The following FOXP1 variants were observed in gnomAD, a reference collection of about 807,000 sequenced individuals.
FOXP1 encodes forkhead box protein P1.
A neutral mutation model predicts 98.2 loss-of-function variants in FOXP1; 15 were observed. That is an observed-to-expected ratio of 0.15 (90% CI 0.10 to 0.24). FOXP1 has a LOEUF of 0.24. FOXP1 is among the 10% of genes least tolerant of loss of function. The pLI is 1.00. For missense variants in FOXP1, 633 were observed against 848.5 expected (o/e 0.75, Z 3.15); for synonymous variants, 371 against 314.5 (o/e 1.18, Z -1.90).
At chr3:71,252,208 T>A (rs1194243374) in intron 5 of FOXP1, among the ~76,000 whole-genome samples, 2 of 152,326 alleles carry the variant, frequency 1.3e-5, no homozygotes, top group African/African-American at 4.8e-5. Context: ...TGCCTGGTGC[T>A]TCAGCAGCCA....
intron 10 of FOXP1, among the ~76,000 whole-genome samples, chr3:71,043,306 A>G (rs2048596260): frequency 6.6e-6 from 1 of 152,228 alleles, no homozygotes; most frequent in African/African-American, 2.4e-5. Context: ...ATGAGCATTT[A>G]GTTATTAGGC....
At chr3:71,315,079 T>TAAA (rs11355298) in intron 4 of FOXP1, among the ~76,000 whole-genome samples, 833 of 70,296 alleles carry the variant, frequency 0.012, 7 homozygotes, top group East Asian at 0.028. Flanking sequence ...CTGGTCCATG[T>TAAA]AAAAAAAAAA....
intron 3 of FOXP1, among the ~76,000 whole-genome samples, chr3:71,446,524 A>G (rs533047693): frequency 1.3e-5 from 2 of 150,188 alleles, no homozygotes; most frequent in Non-Finnish European, 3.0e-5. Flanking sequence ...TGAGGTGCCC[A>G]GGGCACCTGC....
At chr3:71,121,102 T>C (rs2058732823) in intron 6 of FOXP1, among the ~76,000 whole-genome samples, 2 of 151,662 alleles carry the variant, frequency 1.3e-5, no homozygotes, top group South Asian at 4.2e-4. Flanking sequence ...AATGTTTTCC[T>C]GCACCACGTC....
intron 6 of FOXP1, among the ~76,000 whole-genome samples, chr3:71,143,312 A>T (rs2060158167): frequency 6.6e-6 from 1 of 152,192 alleles, no homozygotes; most frequent in African/African-American, 2.4e-5. Context: ...GCTATTGTGG[A>T]TCTTCTTGGC....
At chr3:70,974,254 C>T (rs1015806056) in intron 17 of FOXP1, among the ~76,000 whole-genome samples, 1 of 151,566 alleles carries the variant, frequency 6.6e-6, no homozygotes, top group Non-Finnish European at 1.5e-5. Context: ...CTTGATAGGA[C>T]AATTTTCTAT....
chr3:71,379,504 C>T (rs1244722018), intron 3 of FOXP1, among the ~76,000 whole-genome samples: 1 of 151,972 alleles, frequency 6.6e-6, no homozygotes, highest in Non-Finnish European at 1.5e-5. Flanking sequence ...GAATTTCATA[C>T]CAGGGGTCAG....
At chr3:71,213,753 T>C (rs921926305) in intron 5 of FOXP1, among the ~76,000 whole-genome samples, 5 of 151,842 alleles carry the variant, frequency 3.3e-5, no homozygotes, top group Admixed American at 2.0e-4. Context: ...GAAGTGGAGG[T>C]TGCAGTCAGC....
intron 7 of FOXP1, among the ~76,000 whole-genome samples, chr3:71,079,150 C>T (rs1200461672): frequency 1.3e-5 from 2 of 152,064 alleles, no homozygotes; most frequent in Non-Finnish European, 1.5e-5. Context: ...ATAGAGTGCG[C>T]AGAAATGAGC....
At chr3:71,369,246 T>G (rs2079123248) in intron 3 of FOXP1, among the ~76,000 whole-genome samples, 2 of 151,968 alleles carry the variant, frequency 1.3e-5, no homozygotes, top group Admixed American at 1.3e-4. Flanking sequence ...ACAAATTAGC[T>G]GGGCGTAGTG....
chr3:71,517,115 C>T (rs544975878), intron 2 of FOXP1, among the ~76,000 whole-genome samples: 27 of 151,934 alleles, frequency 1.8e-4, no homozygotes, highest in Admixed American at 2.0e-4. Flanking sequence ...TACAAAGTTT[C>T]AAATAGTCAG....
chr3:71,137,517 G>A (rs2059877055), intron 6 of FOXP1, among the ~76,000 whole-genome samples: 1 of 152,148 alleles, frequency 6.6e-6, no homozygotes, highest in Admixed American at 6.5e-5. Context: ...CTGGAGGCTG[G>A]AGAAATGCCT....
intron 11 of FOXP1, among the ~76,000 whole-genome samples, chr3:71,027,260 C>T (rs145732846): frequency 5.3e-5 from 8 of 152,272 alleles, no homozygotes; most frequent in Non-Finnish European, 7.4e-5. Context: ...AACCAACGAC[C>T]GTAAACAAAG....
At chr3:70,975,110 TTAA>T (rs2037219408) in intron 17 of FOXP1, among the ~76,000 whole-genome samples, 1 of 152,236 alleles carries the variant, frequency 6.6e-6, no homozygotes, top group Non-Finnish European at 1.5e-5. Flanking sequence ...GCTGTTTATA[TTAA>T]TGACACTTTT....
At chr3:71,058,492 C>T (rs1036635386) in intron 7 of FOXP1, among the ~76,000 whole-genome samples, 1 of 151,768 alleles carries the variant, frequency 6.6e-6, no homozygotes, top group African/African-American at 2.4e-5. Flanking sequence ...CCAGGTTTGG[C>T]AGTGTCACCT....
chr3:71,389,449 G>A (rs139189936), intron 3 of FOXP1, among the ~76,000 whole-genome samples: 6 of 151,992 alleles, frequency 3.9e-5, no homozygotes, highest in African/African-American at 1.2e-4. Flanking sequence ...TGCAGTAAGG[G>A]TTACCTGAAG....
rs534295753 is a variant in FOXP1 at position 71,239,094 on chromosome 3, A to G, written c.-11-40702T>C. 3.3e-5 allele frequency among the ~76,000 whole-genome samples: 5 copies of G among 152,298 alleles called. 1 individual carries two copies. In the South Asian group the frequency reaches 1.0e-3, roughly 32 times the overall value. ...ATGCTCTCTGTTTTCCCACCTTCCT[A>G]AAAGTAGGAAATTTCACAGTGGGAA... On this transcript the variant is annotated intron_variant, in intron 5 of 20. Coordinates refer to ENST00000649528, the MANE Select transcript of FOXP1 (RefSeq NM_001349338.3).
chr3:71,343,882 C>CT (rs2077162872), intron 4 of FOXP1, among the ~76,000 whole-genome samples: 1 of 152,208 alleles, frequency 6.6e-6, no homozygotes, highest in Non-Finnish European at 1.5e-5. Context: ...TGGATCTACC[C>CT]TGTCACAGTT....
At chr3:71,138,029 G>A (rs2059904628) in intron 6 of FOXP1, among the ~76,000 whole-genome samples, 1 of 152,104 alleles carries the variant, frequency 6.6e-6, no homozygotes, top group South Asian at 2.1e-4. Context: ...TGGAACTGTG[G>A]AGAGCCTCTC....
Sources: gnomAD v4.1 joint callset for allele counts (sites outside exome capture counted in the v4.1 genomes callset) on GRCh38, gnomAD v4.1.1 for gene constraint, MANE v1.5 for transcripts, NCBI Gene and HGNC (gene_info 2026-07-23, HGNC 2026-07-21) for gene names.